Variants in KRT86 observed in about 807,000 individuals in gnomAD.
KRT86 encodes the protein keratin, type II cuticular Hb6.
Under a neutral mutation model 41.2 loss-of-function variants are expected in KRT86, and 30 were observed. That is an observed-to-expected ratio of 0.73 (90% CI 0.54 to 0.99). The LOEUF (loss-of-function observed/expected upper bound fraction) is 0.99. KRT86 is among the 50% of genes least tolerant of loss of function. KRT86 has a pLI of 0.00. For missense variants in KRT86, 561 were observed against 571.4 expected, an observed-to-expected ratio of 0.98 and a Z score of 0.19; for synonymous variants, 238 against 238.1, an observed-to-expected ratio of 1.00 and a Z score of 0.00.
intron 2 of KRT86, chr12:52,287,499 G>T: frequency 6.2e-7 from 1 of 1,608,754 alleles, no homozygotes; most frequent in African/African-American, 1.3e-5. Flanking sequence ...CAAAGGGGGT[G>T]GAGAATGAAT....
At position 52,286,173 on chromosome 12, in the gene KRT86, T is replaced by A; in HGVS notation, c.-5+10227T>A. ...AAGTGCAGGAGAAGTAGCTGAGCACTTGCTCCAGGCGCCTGGACTGGATGG... is the reference window on the plus strand; with the variant it reads ...AAGTGCAGGAGAAGTAGCTGAGCACATGCTCCAGGCGCCTGGACTGGATGG... On this transcript the variant is annotated intron_variant, in intron 2 of 10. Transcript: ENST00000423955. The A allele has an allele frequency of 2.6e-6, 3 of 1,147,962 alleles. No homozygotes were observed. The South Asian group carries it at 4.0e-5, about 15-fold the overall frequency. The allele number at this position is 1,147,962 out of a possible 1,614,324, so 71.1% of individuals were successfully genotyped here.
At chr12:52,305,184 G>T in intron 6 of KRT86, 56 bp from the exon 7 acceptor site, 1 of 1,613,676 alleles carries the variant, frequency 6.2e-7, no homozygotes, top group Non-Finnish European at 8.5e-7. Flanking sequence ...GTGGAGTCAG[G>T]ACATGGTGGG....
Position 52,287,024 on chromosome 12 carries a change from T to A in KRT86, c.-5+11078T>A. 2.5e-6 allele frequency: 4 copies of A among 1,610,148 alleles called. No homozygotes were observed. In the East Asian group the frequency reaches 6.7e-5, roughly 27 times the overall value. On this transcript the variant is annotated intron_variant, in intron 2 of 10. Transcript: ENST00000423955. ...TTTTTTTCCCCCAGAGCCCTGGCCA[T>A]TGCTCAGCCAAGGCCAAGGGTAGGC...
chr12:52,293,520 G>A (rs756572590), intron 2 of KRT86, among the ~76,000 whole-genome samples: 5 of 152,134 alleles, frequency 3.3e-5, no homozygotes, highest in African/African-American at 7.2e-5. Context: ...TAAGGAAGAC[G>A]GGCAGAGTCA....
At chr12:52,288,747 G>A (rs1170963916) in intron 2 of KRT86, among the ~76,000 whole-genome samples, 1 of 151,812 alleles carries the variant, frequency 6.6e-6, no homozygotes, top group African/African-American at 2.4e-5. Flanking sequence ...TGACCCCCCA[G>A]CTCTCACACC....
chr12:52,297,304 C>A (rs1291665842), intron 2 of KRT86, among the ~76,000 whole-genome samples: 1 of 152,166 alleles, frequency 6.6e-6, no homozygotes, highest in Non-Finnish European at 1.5e-5. Context: ...AGACTTCTGG[C>A]CTTTCTCATG....
At chr12:52,300,764 C>T (rs1938354247) in intron 2 of KRT86, among the ~76,000 whole-genome samples, 1 of 152,242 alleles carries the variant, frequency 6.6e-6, no homozygotes, top group Non-Finnish European at 1.5e-5. Flanking sequence ...ATGCTCTCCT[C>T]ATGTGGCTCT....
intron 9 of KRT86, chr12:52,306,532 T>C: frequency 4.7e-6 from 3 of 631,998 alleles, no homozygotes; most frequent in Non-Finnish European, 8.1e-6. Flanking sequence ...GGTATTCCTG[T>C]TACTGAGAAG....
In KRT86 at chr12:52,308,898, C is replaced by T. The variant is rs1352994976; in HGVS notation, c.*313C>T. The T allele has an allele frequency of 5.1e-6, 2 of 389,658 alleles. No individual in the cohort carries two copies. The highest frequency in any genetic ancestry group is 6.0e-5 in the East Asian group (1 of 16,700). 24.1% of individuals were successfully genotyped at this position (389,658 alleles called of 1,614,324 possible). A position where few individuals can be genotyped will look rare whatever the true frequency, so the allele number is the denominator to read the frequency against. The stretch of plus-strand genomic sequence containing the variant: ...CATTGGTCTTGCCTGAGCTCTTCCC[C>T]AAAGCTTGGAGGAACGGGGGAGGCC... On this transcript the variant is annotated 3_prime_UTR_variant, in exon 11 of 11. Transcript: ENST00000423955.
intron 8 of KRT86, 92 bp from the exon 9 acceptor site, chr12:52,305,968 C>A: frequency 6.3e-7 from 1 of 1,579,348 alleles, no homozygotes; most frequent in Non-Finnish European, 8.6e-7. Flanking sequence ...TTCTGGGGTG[C>A]TCCCAGCTTG....
chr12:52,280,405 G>A (rs562991339), intron 2 of KRT86, among the ~76,000 whole-genome samples: 1 of 152,268 alleles, frequency 6.6e-6, no homozygotes, highest in African/African-American at 2.4e-5. Flanking sequence ...CCTTTCTATT[G>A]CATGAAATTA....
chr12:52,286,033 T>C, intron 2 of KRT86: 1 of 583,050 alleles, frequency 1.7e-6, no homozygotes. Flanking sequence ...GGCCCCTTCC[T>C]ATGGGTGCCA....
chr12:52,283,812 A>C (rs1413373615), intron 2 of KRT86, among the ~76,000 whole-genome samples: 2 of 151,372 alleles, frequency 1.3e-5, no homozygotes, highest in African/African-American at 4.9e-5. Flanking sequence ...AGATACACTA[A>C]GGCCCAGAGA....
intron 9 of KRT86, chr12:52,307,201 C>G (rs186887862): frequency 2.0e-5 from 3 of 152,282 alleles, no homozygotes; most frequent in African/African-American, 7.2e-5. Context: ...CCACCAAACT[C>G]GAGTTGTTCC....
At chr12:52,302,882 C>T (rs1293935885) in intron 3 of KRT86, among the ~76,000 whole-genome samples, 4 of 141,362 alleles carry the variant, frequency 2.8e-5, no homozygotes, top group Non-Finnish European at 6.2e-5. Flanking sequence ...CAGGCACTGA[C>T]ACCACCCAGC....
intron 2 of KRT86, among the ~76,000 whole-genome samples, chr12:52,299,926 T>C (rs1592434300): frequency 6.6e-6 from 1 of 152,374 alleles, no homozygotes; most frequent in East Asian, 1.9e-4. Context: ...TCCTTTGGTG[T>C]GCAGAAGTTC....
chr12:52,276,259 C>T (rs1244026207), intron 2 of KRT86, among the ~76,000 whole-genome samples: 1 of 152,214 alleles, frequency 6.6e-6, no homozygotes, highest in Non-Finnish European at 1.5e-5. Context: ...CTCAGTATTA[C>T]ATTTGAGCCC....
Position 52,306,086 on chromosome 12 carries a change from T to A in KRT86, c.1053T>A (p.Ala351=), listed in dbSNP as rs28733260. The part of the protein sequence containing the change: ...CQNSKLEAAV[A]QSEQQGEAAL... ...ATTCCAAGCTGGAGGCTGCGGTGGC[T>A]CAGTCTGAGCAGCAGGGTGAGGCGG... is the stretch of plus-strand genomic sequence containing the variant. The change falls in exon 9 of 11, where the codon GCT becomes GCA. Residue 351 remains alanine, a synonymous_variant. Coordinates refer to ENST00000423955, the MANE Select transcript of KRT86 (RefSeq NM_001320198.2). The A allele has an allele frequency of 7.4e-6, 12 of 1,613,878 alleles. No individual in the cohort carries two copies. In the East Asian group the frequency reaches 2.7e-4, roughly 36 times the overall value.
intron 2 of KRT86, among the ~76,000 whole-genome samples, chr12:52,282,694 A>T (rs73307349): frequency 6.6e-6 from 1 of 152,098 alleles, no homozygotes; most frequent in African/African-American, 2.4e-5. Flanking sequence ...CCTCCCTAGT[A>T]TGACCCCCAG....
Sources: allele counts gnomAD v4.1 joint callset (sites outside exome capture counted in the v4.1 genomes callset), GRCh38; gene constraint gnomAD v4.1.1; transcripts MANE v1.5; gene names NCBI Gene and HGNC (gene_info 2026-07-23, HGNC 2026-07-21).